Variants in MIA3 observed in about 807,000 individuals in gnomAD.
The protein encoded by MIA3 is transport and Golgi organization protein 1 homolog.
In MIA3, 90 loss-of-function variants were observed where a neutral mutation model predicts 192.4. The ratio of observed to expected loss-of-function variants is 0.47; its 90% CI spans 0.39 to 0.56. MIA3 has a LOEUF of 0.56. Ranked by LOEUF, MIA3 falls within the 20% of genes least tolerant of loss-of-function variation. MIA3 has a pLI of 0.00. For missense variants in MIA3, 2,123 were observed against 2,269.4 expected (o/e 0.94, Z 1.31); for synonymous variants, 740 against 792.8 (o/e 0.93, Z 1.12).
Position 222,628,317 on chromosome 1 carries a change from T to C in MIA3, c.1097T>C (p.Leu366Pro). The C allele has an allele frequency of 6.2e-7, 1 of 1,613,826 alleles. No homozygotes were observed. Among genetic ancestry groups the C allele is most frequent in the Non-Finnish European group, 8.5e-7 (1 of 1,179,938 alleles). Residue 366 changes from leucine (L) to proline (P), a missense_variant, in exon 4 of 28, where the codon CTA becomes CCA. By Grantham distance (98) the Leu-to-Pro change is moderately conservative. This residue lies in a region of MIA3 where 1,357 missense variants were observed against 1,396.1 expected (regional missense o/e 0.97). Coordinates refer to ENST00000344922, the MANE Select transcript of MIA3 (RefSeq NM_198551.4). ...QNSNEEDKVQ[L>P]TVPPGIKNDD... ...TCAAATGAAGAGGACAAGGTTCAGCTAACTGTGCCCCCTGGCATCAAAAAT... is the reference window on the plus strand; with the variant it reads ...TCAAATGAAGAGGACAAGGTTCAGCCAACTGTGCCCCCTGGCATCAAAAAT...
intron 24 of MIA3, chr1:222,661,481 T>C (rs1408790890): frequency 6.5e-6 from 1 of 154,120 alleles, no homozygotes; most frequent in African/African-American, 2.4e-5. Context: ...GTGTTAACTG[T>C]TTATGTTATT....
In MIA3 at chr1:222,621,290, A is replaced by G. The variant is rs777488024; in HGVS notation, c.265A>G (p.Ser89Gly). 1 of 1,605,532 alleles carries G rather than the reference A, an allele frequency of 6.2e-7. No homozygotes were observed. Among genetic ancestry groups the G allele is most frequent in the Non-Finnish European group, 8.5e-7 (1 of 1,177,750 alleles). Residue 89 changes from serine (S) to glycine (G), a missense_variant and splice_region_variant, in exon 2 of 28, where the codon AGT (serine) becomes GGT (glycine). Around this residue, in one of 3 missense-constraint regions of MIA3, gnomAD observed 1,357 missense variants for 1,396.1 expected, o/e 0.97. Transcript: ENST00000344922. ...ARGWPEVWAGSVGRTFGYFPK... is the reference protein window; with the variant it reads ...ARGWPEVWAGGVGRTFGYFPK... ...AGGATGGCCTGAAGTTTGGGCTGGA[A>G]GTGTAAGTAAAATATCGACATACTT...
rs539881393 is a variant in MIA3, at chr1:222,655,353, A to G, written c.4607+560A>G. ...ATAATCCTCTGAAATACATATCTCA[A>G]ATTTCGAGCGAGGTACCTTTTGAGA... On this transcript the variant is annotated intron_variant, in intron 18 of 27. Transcript: ENST00000344922. 8.5e-5 allele frequency among the ~76,000 whole-genome samples: 13 copies of G among 152,278 alleles called. No homozygotes were observed. In the East Asian group the frequency reaches 2.1e-3, roughly 25 times the overall value.
chr1:222,632,432 A>G (rs564801141), intron 5 of MIA3, 106 bp downstream of exon 5: 1 of 987,670 alleles, frequency 1.0e-6, no homozygotes, highest in East Asian at 2.5e-5. Context: ...AATTCAAAGG[A>G]AAAAAGGATC....
intron 27 of MIA3, among the ~76,000 whole-genome samples, chr1:222,664,618 G>C (rs1023882575): frequency 6.6e-6 from 1 of 152,146 alleles, no homozygotes; most frequent in Non-Finnish European, 1.5e-5. Context: ...AGGGAGATAT[G>C]AAAGAGAAGG....
At chr1:222,644,556 C>T (rs1354959701) in intron 6 of MIA3, 1 of 1,550,628 alleles carries the variant, frequency 6.4e-7, no homozygotes, top group East Asian at 2.4e-5. Context: ...TGTCTGTGCT[C>T]TACGCAGCCT....
At chr1:222,660,521 T>G (rs1663958251) in intron 24 of MIA3, 1 of 418,252 alleles carries the variant, frequency 2.4e-6, no homozygotes. Context: ...CTTTATTGTT[T>G]TGTTTCTCTT....
chr1:222,636,506 C>CTTTTTTTTT (rs34208115), intron 6 of MIA3, among the ~76,000 whole-genome samples: 2 of 74,036 alleles, frequency 2.7e-5, no homozygotes, highest in Non-Finnish European at 2.8e-5. Context: ...TAGTGTCCAT[C>CTTTTTTTTT]TTTTTTTTTT....
intron 24 of MIA3, chr1:222,660,606 G>T: frequency 4.6e-6 from 1 of 216,522 alleles, no homozygotes; most frequent in Non-Finnish European, 9.2e-6. Flanking sequence ...AAATACAGCT[G>T]ACCCTTGAAC....
Position 222,627,962 on chromosome 1 carries a change from A to G in MIA3, c.742A>G (p.Thr248Ala), listed in dbSNP as rs1662195885. 1 of 1,614,040 alleles carries G rather than the reference A, an allele frequency of 6.2e-7. No individual in the cohort carries two copies. The highest frequency in any genetic ancestry group is 8.5e-7 in the Non-Finnish European group (1 of 1,179,996). ...LKVPESENNK[T>A]SNSSQVSNEQ... is the part of the protein sequence containing the mutation. ...AGTGCCAGAAAGTGAAAACAACAAAACCAGCAATAGTTCTCAGGTCTCAAA... is the reference window on the plus strand; with the variant it reads ...AGTGCCAGAAAGTGAAAACAACAAAGCCAGCAATAGTTCTCAGGTCTCAAA... The change falls in exon 4 of 28, where the codon ACC becomes GCC. Residue 248 changes from threonine (T) to alanine (A), a missense_variant. Coordinates refer to ENST00000344922, the MANE Select transcript of MIA3 (RefSeq NM_198551.4).
rs1242532313 is a variant in MIA3, at chr1:222,660,263, A to G, written c.5062A>G (p.Arg1688Gly). The G allele has an allele frequency of 1.2e-6, 2 of 1,614,080 alleles. No individual in the cohort carries two copies. The highest frequency in any genetic ancestry group is 2.7e-5 in the African/African-American group (2 of 75,048). The change falls in exon 24 of 28, where the codon AGA becomes GGA. Residue 1688 changes from arginine (R) to glycine (G), a missense_variant. Physicochemically the swap from Arg to Gly is moderately radical, Grantham distance 125. Coordinates refer to ENST00000344922, the MANE Select transcript of MIA3 (RefSeq NM_198551.4). Reference protein sequence around the residue: ...SPPLTVEPPVRPLSATLNRRD... With the variant: ...SPPLTVEPPVGPLSATLNRRD... ...TCCATTGACAGTGGAGCCACCCGTGAGACCTCTCTCTGCTACTCTCAATCG... is the reference window on the plus strand; with the variant it reads ...TCCATTGACAGTGGAGCCACCCGTGGGACCTCTCTCTGCTACTCTCAATCG...
intron 13 of MIA3, 130 bp downstream of exon 13, chr1:222,652,462 T>C: frequency 1.5e-6 from 1 of 650,150 alleles, no homozygotes; most frequent in Non-Finnish European, 2.7e-6. Flanking sequence ...ATGCAAAGTT[T>C]AAACTATGCT....
chr1:222,647,046 T>C (rs1461739514), intron 7 of MIA3, among the ~76,000 whole-genome samples: 1 of 152,226 alleles, frequency 6.6e-6, no homozygotes, highest in African/African-American at 2.4e-5. Flanking sequence ...AAAATTCTTA[T>C]ATCTAGGAGA....
intron 3 of MIA3, among the ~76,000 whole-genome samples, chr1:222,626,845 TGA>T (rs1662142291): frequency 6.6e-6 from 1 of 152,210 alleles, no homozygotes; most frequent in South Asian, 2.1e-4. Context: ...CCATGTAGAC[TGA>T]GAGCCTGACA....
chr1:222,662,745 TCA>T, intron 26 of MIA3: 1 of 182,710 alleles, frequency 5.5e-6, no homozygotes, highest in South Asian at 1.2e-4. Context: ...CTTGTGTGTC[TCA>T]GTGTTTAATG....
intron 15 of MIA3, 100 bp downstream of exon 15, chr1:222,653,439 A>C: frequency 1.4e-6 from 1 of 718,622 alleles, no homozygotes. Flanking sequence ...TAAGCTTTCG[A>C]GGTGTAAATA....
At chr1:222,653,831 T>C (rs966501721) in intron 15 of MIA3, among the ~76,000 whole-genome samples, 2 of 152,146 alleles carry the variant, frequency 1.3e-5, no homozygotes, top group Non-Finnish European at 2.9e-5. Flanking sequence ...GTGGAGGCTA[T>C]AGTGTTGCAG....
Position 222,662,286 on chromosome 1 carries a change from G to GCA in MIA3, c.5217_5218dup (p.Ser1740ThrfsTer33). 1 of 1,614,028 alleles carries GCA rather than the reference G, an allele frequency of 6.2e-7. No individual in the cohort carries two copies. Among genetic ancestry groups the GCA allele is most frequent in the Non-Finnish European group, 8.5e-7 (1 of 1,179,936 alleles). ...TCTGGTACAGCTACCATGATGAACA[G>GCA]CAGCTCAAGAGGCTCTTCCCCTACC... On this transcript the variant is annotated frameshift_variant, in exon 26 of 28. Transcript: ENST00000344922. LOFTEE classifies it high-confidence loss of function.
chr1:222,626,136 C>T (rs1192062808), intron 3 of MIA3, among the ~76,000 whole-genome samples: 1 of 152,190 alleles, frequency 6.6e-6, no homozygotes, highest in Admixed American at 6.5e-5. Context: ...TTGAGTAGCT[C>T]TTTGGAGTTG....
Sources: allele counts gnomAD v4.1 joint callset (sites outside exome capture counted in the v4.1 genomes callset), GRCh38; gene constraint gnomAD v4.1.1; regional missense constraint gnomAD v4.1.1; transcripts MANE v1.5; gene names NCBI Gene and HGNC (gene_info 2026-07-23, HGNC 2026-07-21).